Variants in ADARB2 observed in about 807,000 individuals in gnomAD.
ADARB2 encodes inactive double-stranded RNA-specific editase B2.
A neutral mutation model predicts 62.2 loss-of-function variants in ADARB2; 25 were observed. That is an observed-to-expected ratio of 0.40 (90% confidence interval 0.29 to 0.56). The LOEUF (loss-of-function observed/expected upper bound fraction) is 0.56. Among genes scored for constraint, ADARB2 ranks in the 20% least tolerant of loss-of-function variants. The pLI, the probability that ADARB2 is intolerant of heterozygous loss-of-function variation, is 0.43. For synonymous variants in ADARB2, 572 were observed against 500.8 expected (o/e 1.14, Z -1.90); for missense variants, 1,071 against 1,077.4 (o/e 0.99, Z 0.08).
chr10:1,538,290 G>C (rs1411508437), intron 1 of ADARB2, among the ~76,000 whole-genome samples: 1 of 152,236 alleles, frequency 6.6e-6, no homozygotes, highest in Non-Finnish European at 1.5e-5. Context: ...CCGTGGGTCT[G>C]TGCCGGCTGG....
chr10:1,409,569 A>T (rs1256836645), intron 1 of ADARB2, among the ~76,000 whole-genome samples: 1 of 148,298 alleles, frequency 6.7e-6, no homozygotes, highest in Admixed American at 6.7e-5. Flanking sequence ...GGCCGTGGTC[A>T]TAGGGAAGGA....
At chr10:1,223,166 C>G (rs537360277) in intron 6 of ADARB2, among the ~76,000 whole-genome samples, 6,096 of 151,978 alleles carry the variant, frequency 0.04, 384 homozygotes, top group African/African-American at 0.14. Flanking sequence ...GTATTTTATT[C>G]TCTTTGAAGC....
intron 1 of ADARB2, among the ~76,000 whole-genome samples, chr10:1,654,483 G>A (rs182765770): frequency 4.5e-4 from 69 of 152,208 alleles, no homozygotes; most frequent in Non-Finnish European, 9.1e-4. Context: ...TTCCGGCGTG[G>A]TGGTGCCTCC....
At chr10:1,654,114 C>T (rs541458250) in intron 1 of ADARB2, among the ~76,000 whole-genome samples, 3 of 152,172 alleles carry the variant, frequency 2.0e-5, no homozygotes, top group Non-Finnish European at 4.4e-5. Context: ...TCCCCATCAC[C>T]CTGTTCTCTG....
At chr10:1,730,278 C>T (rs527358585) in intron 1 of ADARB2, among the ~76,000 whole-genome samples, 5 of 152,234 alleles carry the variant, frequency 3.3e-5, no homozygotes, top group Non-Finnish European at 5.9e-5. Flanking sequence ...GTTAGAGATC[C>T]GTAGGAGTGA....
At position 1,256,439 on chromosome 10, in the gene ADARB2, C is replaced by T. The variant is rs542743405; in HGVS notation, c.1193-14140G>A. Among the ~76,000 whole-genome samples the T allele has an allele frequency of 2.1e-3, 315 of 152,272 alleles. 1 individual carries two copies. Among genetic ancestry groups the T allele is most frequent in the African/African-American group, 7.1e-3 (297 of 41,554 alleles). On this transcript the variant is annotated intron_variant, in intron 4 of 9. Coordinates refer to ENST00000381312, the MANE Select transcript of ADARB2 (RefSeq NM_018702.4). The stretch of plus-strand genomic sequence containing the variant: ...CCTGAAACCACAGGGGCCTGAATGG[C>T]GCCTGCCACCACTGTCTGGCATGTG...
At chr10:1,516,714 C>A (rs1041053938) in intron 1 of ADARB2, among the ~76,000 whole-genome samples, 2 of 152,200 alleles carry the variant, frequency 1.3e-5, no homozygotes, top group African/African-American at 4.8e-5. Context: ...CCCGCGGAGG[C>A]CCCGTGCACC....
chr10:1,505,043 GAC>G (rs1831821601), intron 1 of ADARB2, among the ~76,000 whole-genome samples: 4 of 151,054 alleles, frequency 2.6e-5, no homozygotes, highest in African/African-American at 4.9e-5. Context: ...ACACATGCAC[GAC>G]ACACAGACAC....
rs575743090 is a variant in ADARB2, at chr10:1,243,481, A to G, written c.1193-1182T>C. Among the ~76,000 whole-genome samples the G allele has an allele frequency of 1.3e-4, 19 of 150,952 alleles. 1 individual carries two copies. In the South Asian group the frequency reaches 2.4e-3, roughly 19 times the overall value. ...ATAAAAACAGTGCTGGCTGGTCATG[A>G]GCGCTTCTCGCTTCTCACACACTTG... On this transcript the variant is annotated intron_variant, in intron 4 of 9. Transcript: ENST00000381312.
chr10:1,475,009 G>A (rs1831380224), intron 1 of ADARB2, among the ~76,000 whole-genome samples: 1 of 152,096 alleles, frequency 6.6e-6, no homozygotes. Context: ...TGGGACCCTG[G>A]TCTAATGGTG....
intron 8 of ADARB2, among the ~76,000 whole-genome samples, chr10:1,195,090 C>T (rs546434935): frequency 2.0e-5 from 3 of 152,346 alleles, no homozygotes; most frequent in East Asian, 1.9e-4. Context: ...GCCGACCCGC[C>T]CCCTTAGCCT....
At chr10:1,318,321 G>C (rs1831760057) in intron 3 of ADARB2, among the ~76,000 whole-genome samples, 2 of 152,120 alleles carry the variant, frequency 1.3e-5, no homozygotes, top group African/African-American at 4.8e-5. Context: ...ACCTCTTACA[G>C]CCCATAAGAT....
At chr10:1,277,358 A>G (rs1178982829) in intron 3 of ADARB2, among the ~76,000 whole-genome samples, 1 of 152,250 alleles carries the variant, frequency 6.6e-6, no homozygotes, top group African/African-American at 2.4e-5. Flanking sequence ...ATAGACCGCT[A>G]GCAAGACTAA....
intron 2 of ADARB2, among the ~76,000 whole-genome samples, chr10:1,366,308 G>T (rs1353486907): frequency 6.6e-6 from 1 of 152,208 alleles, no homozygotes; most frequent in African/African-American, 2.4e-5. Context: ...GACCATCCTG[G>T]ACCACTGTTT....
Position 1,242,213 on chromosome 10 carries a change from C to T in ADARB2, c.1279G>A (p.Val427Met), listed in dbSNP as rs1830932066. The T allele has an allele frequency of 6.2e-7, 1 of 1,609,116 alleles. No individual in the cohort carries two copies. The highest frequency in any genetic ancestry group is 1.7e-5 in the Admixed American group (1 of 59,494). ...SGEHLSDQGL[V>M]VNDCHAEVVA... ...ACCTCCGCGTGGCAGTCATTCACCA[C>T]CAGCCCCTGGTCACTGAGGTGCTCG... is the stretch of plus-strand genomic sequence containing the variant. The change falls in exon 5 of 10, where the codon GTG becomes ATG. Residue 427 changes from valine (V) to methionine (M), a missense_variant. Coordinates refer to ENST00000381312, the MANE Select transcript of ADARB2 (RefSeq NM_018702.4).
At chr10:1,199,687 C>A in intron 8 of ADARB2, 1 of 384,070 alleles carries the variant, frequency 2.6e-6, no homozygotes, top group Non-Finnish European at 4.6e-6. Flanking sequence ...GAGCCCAACA[C>A]TAGTGATTCT....
chr10:1,609,565 A>C (rs1833541460), intron 1 of ADARB2, among the ~76,000 whole-genome samples: 1 of 152,234 alleles, frequency 6.6e-6, no homozygotes, highest in Admixed American at 6.5e-5. Context: ...AAGCCAGGGC[A>C]TCAGCTGACT....
chr10:1,290,655 G>C (rs780263334), intron 3 of ADARB2: 3 of 152,226 alleles, frequency 2.0e-5, no homozygotes, highest in Non-Finnish European at 2.9e-5. Flanking sequence ...ATTCAGCCTT[G>C]AGCAACTGAG....
intron 3 of ADARB2, among the ~76,000 whole-genome samples, chr10:1,308,077 T>A (rs1831648039): frequency 1.7e-5 from 2 of 115,424 alleles, no homozygotes; most frequent in Non-Finnish European, 4.0e-5. Context: ...ACTTAAAGTA[T>A]AATAAAAAAA....
Sources: gnomAD v4.1 joint callset for allele counts (sites outside exome capture counted in the v4.1 genomes callset) on GRCh38, gnomAD v4.1.1 for gene constraint, MANE v1.5 for transcripts, NCBI Gene and HGNC (gene_info 2026-07-23, HGNC 2026-07-21) for gene names.